The following ADCY5 variants were observed in gnomAD, a reference collection of about 807,000 sequenced individuals.
ADCY5 encodes adenylate cyclase type 5.
ADCY5 carries 30 observed loss-of-function variants against 119.7 expected under a neutral mutation model. That is an observed-to-expected ratio of 0.25 (90% CI 0.19 to 0.34). The LOEUF is 0.34. ADCY5 is among the 10% of genes least tolerant of loss of function. The probability of loss-of-function intolerance (pLI) is 1.00; values close to 1 mark genes in which losing one functional copy is unlikely to be tolerated. For synonymous variants in ADCY5, 753 were observed against 762.2 expected, an observed-to-expected ratio of 0.99 and a Z score of 0.20; for missense variants, 1,324 against 1,775.2, an observed-to-expected ratio of 0.75 and a Z score of 4.57.
At chr3:123,341,811 T>C (rs1422235820) in intron 3 of ADCY5, among the ~76,000 whole-genome samples, 1 of 152,080 alleles carries the variant, frequency 6.6e-6, no homozygotes, top group Non-Finnish European at 1.5e-5. Context: ...GACAGTGTCT[T>C]TTTCATACTG....
intron 3 of ADCY5, among the ~76,000 whole-genome samples, chr3:123,344,359 T>C (rs915121955): frequency 2.0e-5 from 3 of 152,228 alleles, no homozygotes; most frequent in Admixed American, 2.0e-4. Flanking sequence ...TTTGTTGATA[T>C]GAGTGTGATC....
chr3:123,314,216 A>C lies in ADCY5; in HGVS notation c.2442+19T>G. The C allele has an allele frequency of 6.3e-7, 1 of 1,599,330 alleles. No homozygotes were observed. Among genetic ancestry groups the C allele is most frequent in the Non-Finnish European group, 8.6e-7 (1 of 1,167,624 alleles). On this transcript the variant is annotated intron_variant, in intron 12 of 20. Coordinates refer to ENST00000462833, the MANE Select transcript of ADCY5 (RefSeq NM_183357.3). Reference sequence around the variant, plus strand: ...AGCGGGAAGAAGGTGGCTGCAACCCAGCTGTCAGCTACACTCACCTTTACG... The same window carrying C: ...AGCGGGAAGAAGGTGGCTGCAACCCCGCTGTCAGCTACACTCACCTTTACG...
At position 123,332,684 on chromosome 3, in the gene ADCY5, C is replaced by T; in HGVS notation, c.1407-9G>A. On this transcript the variant is annotated splice_polypyrimidine_tract_variant and intron_variant, in intron 3 of 20. Transcript: ENST00000462833. ...TGTCAGCAAACAGGATGCTGGGGGACAGGCAGAGGAGGAAGACCCTGCTAT... is the reference window on the plus strand; with the variant it reads ...TGTCAGCAAACAGGATGCTGGGGGATAGGCAGAGGAGGAAGACCCTGCTAT... 3.2e-6 allele frequency: 5 copies of T among 1,584,784 alleles called. No homozygotes were observed. Among genetic ancestry groups the T allele is most frequent in the Non-Finnish European group, 3.5e-6 (4 of 1,154,092 alleles).
intron 1 of ADCY5, among the ~76,000 whole-genome samples, chr3:123,440,596 A>G (rs923459048): frequency 2.0e-5 from 3 of 150,934 alleles, no homozygotes; most frequent in African/African-American, 4.9e-5. Context: ...CCCTTCCTTC[A>G]CACCACCTCG....
intron 19 of ADCY5, 128 bp downstream of exon 19, chr3:123,289,622 C>A: frequency 9.0e-7 from 1 of 1,105,462 alleles, no homozygotes; most frequent in Non-Finnish European, 1.3e-6. Flanking sequence ...ACCACATCAG[C>A]CTCTGCTGCC....
intron 3 of ADCY5, among the ~76,000 whole-genome samples, chr3:123,346,607 T>TCTCTCTCTC (rs1316376575): frequency 7.8e-6 from 1 of 128,072 alleles, no homozygotes; most frequent in Non-Finnish European, 1.8e-5. Flanking sequence ...CAGCCTCACC[T>TCTCTCTCTC]TCTCTCTCTC....
chr3:123,393,205 T>A (rs1944444720), intron 1 of ADCY5, among the ~76,000 whole-genome samples: 1 of 152,184 alleles, frequency 6.6e-6, no homozygotes, highest in African/African-American at 2.4e-5. Context: ...CTCAGAACTC[T>A]GCAGCCTTGG....
chr3:123,434,240 G>A (rs1401032065), intron 1 of ADCY5, among the ~76,000 whole-genome samples: 2 of 152,180 alleles, frequency 1.3e-5, no homozygotes, highest in Admixed American at 1.3e-4. Context: ...GAATGGGGTC[G>A]GTTCACCTCT....
Position 123,371,106 on chromosome 3 carries a change from G to A in ADCY5, c.1135-18525C>T, listed in dbSNP as rs1177919049. On this transcript the variant is annotated intron_variant, in intron 1 of 20. Coordinates refer to ENST00000462833, the MANE Select transcript of ADCY5 (RefSeq NM_183357.3). ...AGACTCTGCACGGTAACAAACAGCGGCCCAGAGGAAAGAAGGAGTGAGCTC... is the reference window on the plus strand; with the variant it reads ...AGACTCTGCACGGTAACAAACAGCGACCCAGAGGAAAGAAGGAGTGAGCTC... Among the ~76,000 whole-genome samples the A allele has an allele frequency of 2.0e-5, 3 of 152,280 alleles. No homozygotes were observed. The East Asian group carries it at 5.8e-4, about 29-fold the overall frequency.
chr3:123,368,046 C>T, intron 1 of ADCY5: 1 of 1,463,404 alleles, frequency 6.8e-7, no homozygotes, highest in South Asian at 1.4e-5. Context: ...CCAGAGATTG[C>T]CTGGGGGAGA....
intron 1 of ADCY5, among the ~76,000 whole-genome samples, chr3:123,365,724 T>G (rs1264631303): frequency 6.6e-6 from 1 of 152,054 alleles, no homozygotes; most frequent in Admixed American, 6.6e-5. Context: ...ATAAGCAGAC[T>G]GGGTAGAGGA....
At chr3:123,384,861 G>A (rs773269252) in intron 1 of ADCY5, among the ~76,000 whole-genome samples, 13 of 152,074 alleles carry the variant, frequency 8.5e-5, no homozygotes, top group African/African-American at 1.7e-4. Flanking sequence ...AGGACCCCTC[G>A]GCCCGGGAGA....
Position 123,282,647 on chromosome 3 carries a change from G to A in ADCY5, c.*1961C>T, listed in dbSNP as rs6784930. The A allele has an allele frequency of 0.15, 23,421 of 152,420 alleles. 2,335 individuals carry two copies. Among genetic ancestry groups the A allele is most frequent in the Admixed American group, 0.25 (3,761 of 15,296 alleles). 9.4% of individuals were successfully genotyped at this position (152,420 alleles called of 1,614,324 possible). A position where few individuals can be genotyped will look rare whatever the true frequency, so the allele number is the denominator to read the frequency against. On this transcript the variant is annotated 3_prime_UTR_variant, in exon 21 of 21. Coordinates refer to ENST00000462833, the MANE Select transcript of ADCY5 (RefSeq NM_183357.3). ...GGAAGAAAGCAGGCCTCCTGTGGCC[G>A]ACGTCAGGATGGCAATGCAGAACTC...
chr3:123,307,078 G>T (rs1576548976), intron 12 of ADCY5, among the ~76,000 whole-genome samples: 1 of 152,050 alleles, frequency 6.6e-6, no homozygotes, highest in East Asian at 1.9e-4. Context: ...TGGGGGCTGT[G>T]GTGATCAGGG....
intron 20 of ADCY5, among the ~76,000 whole-genome samples, chr3:123,285,151 C>A (rs1938652640): frequency 6.6e-6 from 1 of 152,186 alleles, no homozygotes; most frequent in Non-Finnish European, 1.5e-5. Flanking sequence ...AAGCATCCCT[C>A]CGTGACAGAT....
At chr3:123,363,630 C>T (rs1260465485) in intron 1 of ADCY5, among the ~76,000 whole-genome samples, 1 of 152,194 alleles carries the variant, frequency 6.6e-6, no homozygotes, top group East Asian at 1.9e-4. Flanking sequence ...GTGCTGTCAC[C>T]AGGCGCAGTG....
In ADCY5 at chr3:123,390,044, T is replaced by C. The variant is rs1018059; in HGVS notation, c.1135-37463A>G. 5.0e-3 allele frequency among the ~76,000 whole-genome samples: 754 copies of C among 152,192 alleles called. 4 individuals are homozygous for C. Among genetic ancestry groups the C allele is most frequent in the African/African-American group, 0.017 (706 of 41,536 alleles). ...GCTGGGTGCACCAGGACAGAGCAGG[T>C]GTTCCCGGTGATGGGGGTGAGGATG... On this transcript the variant is annotated intron_variant, in intron 1 of 20. Transcript: ENST00000462833.
At chr3:123,438,026 C>A (rs1360135280) in intron 1 of ADCY5, among the ~76,000 whole-genome samples, 1 of 152,126 alleles carries the variant, frequency 6.6e-6, no homozygotes, top group Admixed American at 6.6e-5. Context: ...GCAATTTCCT[C>A]CCTGAGGGAG....
At chr3:123,425,112 T>A (rs1327059498) in intron 1 of ADCY5, among the ~76,000 whole-genome samples, 1 of 34,142 alleles carries the variant, frequency 2.9e-5, no homozygotes, top group African/African-American at 1.1e-4. Flanking sequence ...GAGGGGCCCA[T>A]CCTGGTGCAC....
Sources: allele counts gnomAD v4.1 joint callset (sites outside exome capture counted in the v4.1 genomes callset), GRCh38; gene constraint gnomAD v4.1.1; transcripts MANE v1.5; gene names NCBI Gene and HGNC (gene_info 2026-07-23, HGNC 2026-07-21).